PDE4D: variants seen among roughly 807,000 people sequenced by gnomAD.
PDE4D encodes 3',5'-cyclic-AMP phosphodiesterase 4D.
Under a neutral mutation model 87.4 loss-of-function variants are expected in PDE4D, and 24 were observed. The ratio of observed to expected loss-of-function variants is 0.27; its 90% CI spans 0.20 to 0.39. The LOEUF is 0.39. Ranked by LOEUF, PDE4D falls within the 10% of genes least tolerant of loss-of-function variation. PDE4D has a pLI of 1.00. For synonymous variants in PDE4D, 384 were observed against 383.2 expected, an observed-to-expected ratio of 1.00 and a Z score of -0.02; for missense variants, 714 against 1,041.0, an observed-to-expected ratio of 0.69 and a Z score of 4.32.
chr5:60,264,988 T>C (rs575748661), intron 1 of PDE4D, among the ~76,000 whole-genome samples: 3 of 152,328 alleles, frequency 2.0e-5, no homozygotes, highest in Non-Finnish European at 2.9e-5. Context: ...CATGTTTCCT[T>C]CTCTTTGTAG....
chr5:59,382,682 T>C (rs1054835404), intron 1 of PDE4D, among the ~76,000 whole-genome samples: 12 of 152,094 alleles, frequency 7.9e-5, no homozygotes, highest in Non-Finnish European at 1.5e-4. Flanking sequence ...AACAATTCCC[T>C]GGACCCAGGA....
At chr5:59,893,102 T>A (rs956055718) in intron 1 of PDE4D, 66 bp downstream of exon 1, 85 of 1,445,888 alleles carry the variant, frequency 5.9e-5, no homozygotes, top group Non-Finnish European at 7.8e-5. Flanking sequence ...CCGACTTAGA[T>A]GGAGTATTTG....
At chr5:60,390,840 G>T (rs1720190563) in intron 1 of PDE4D, among the ~76,000 whole-genome samples, 1 of 152,036 alleles carries the variant, frequency 6.6e-6, no homozygotes, top group South Asian at 2.1e-4. Context: ...CATTTCCTTT[G>T]CTTGGGATAG....
chr5:58,999,529 T>C, intron 6 of PDE4D: 1 of 1,534,878 alleles, frequency 6.5e-7, no homozygotes. Flanking sequence ...ATAGTTTGCT[T>C]CAGGCATTTT....
intron 1 of PDE4D, among the ~76,000 whole-genome samples, chr5:59,291,696 T>G (rs1442853909): frequency 6.6e-6 from 1 of 151,526 alleles, no homozygotes; most frequent in Non-Finnish European, 1.5e-5. Flanking sequence ...ATACACCTAC[T>G]ATGTATGCAC....
At chr5:59,330,820 A>C (rs549269003) in intron 1 of PDE4D, among the ~76,000 whole-genome samples, 1 of 152,190 alleles carries the variant, frequency 6.6e-6, no homozygotes, top group South Asian at 2.1e-4. Flanking sequence ...TCGCTGTGGC[A>C]CTTCTCTGTT....
intron 1 of PDE4D, among the ~76,000 whole-genome samples, chr5:59,654,690 A>T (rs1305600681): frequency 6.6e-6 from 1 of 152,056 alleles, no homozygotes; most frequent in Non-Finnish European, 1.5e-5. Flanking sequence ...AATTTAGAAT[A>T]TTTTCAGTAC....
rs1554191108 is a variant in PDE4D, at chr5:60,241,253, G to GCC, written c.-89-55567_-89-55566insGG. On this transcript the variant is annotated intron_variant, in intron 1 of 16. Transcript: ENST00000502484. ...TTGATATACTGAAGAATACATCAGAGTCTCTCTCTCTCTCTCTCTTTTTTT... is the reference window on the plus strand; with the variant it reads ...TTGATATACTGAAGAATACATCAGAGCCTCTCTCTCTCTCTCTCTCTTTTTTT... Among the ~76,000 whole-genome samples, 8 of 145,504 alleles carry GCC rather than the reference G, an allele frequency of 5.5e-5. No individual in the cohort carries two copies. In the East Asian group the frequency reaches 6.4e-4, roughly 12 times the overall value.
Position 58,974,117 on chromosome 5 carries a change from G to A in PDE4D, c.*547C>T, listed in dbSNP as rs1743149712. ...TTTTACATATCATACAAAATGTAGA[G>A]GTCAGTGCAGCTCACTGAACCACAC... On this transcript the variant is annotated 3_prime_UTR_variant, in exon 15 of 15. Coordinates refer to ENST00000340635, the MANE Select transcript of PDE4D (RefSeq NM_001104631.2). 1 of 152,528 alleles carries A rather than the reference G, an allele frequency of 6.6e-6. No individual in the cohort carries two copies. Among genetic ancestry groups the A allele is most frequent in the South Asian group, 2.1e-4 (1 of 4,820 alleles). The allele number at this position is 152,528 out of a possible 1,614,324, so 9.4% of individuals were successfully genotyped here. A position where few individuals can be genotyped will look rare whatever the true frequency, so the allele number is the denominator to read the frequency against.
intron 1 of PDE4D, 24 bp downstream of exon 1, chr5:59,893,144 G>A (rs1405128112): frequency 1.3e-6 from 2 of 1,543,958 alleles, no homozygotes; most frequent in South Asian, 2.4e-5. Context: ...TGCCTGAATG[G>A]GGGAGGGGGC....
intron 1 of PDE4D, among the ~76,000 whole-genome samples, chr5:59,415,307 G>C (rs897495586): frequency 6.6e-6 from 1 of 152,188 alleles, no homozygotes; most frequent in Non-Finnish European, 1.5e-5. Context: ...AAGGAAAAAG[G>C]TGTGCTCAGG....
intron 2 of PDE4D, among the ~76,000 whole-genome samples, chr5:60,063,145 A>G (rs5014449): frequency 0.045 from 4,252 of 95,384 alleles, 79 homozygotes; most frequent in East Asian, 0.26. Flanking sequence ...AAAGAAAGAA[A>G]GAAAGAAAGA....
At chr5:59,408,171 AG>A (rs1386318222) in intron 1 of PDE4D, among the ~76,000 whole-genome samples, 2 of 152,316 alleles carry the variant, frequency 1.3e-5, no homozygotes, top group Non-Finnish European at 2.9e-5. Context: ...TAAATGGTTT[AG>A]GGGATAAGCA....
intron 3 of PDE4D, among the ~76,000 whole-genome samples, chr5:59,919,211 T>C (rs896267046): frequency 2.6e-5 from 4 of 152,190 alleles, no homozygotes; most frequent in African/African-American, 9.7e-5. Context: ...CAAGTCTCCT[T>C]AGTTTATATC....
chr5:59,259,468 G>T (rs1041206798), intron 1 of PDE4D, among the ~76,000 whole-genome samples: 2 of 151,872 alleles, frequency 1.3e-5, no homozygotes, highest in Admixed American at 1.3e-4. Context: ...AAGCACATAA[G>T]GTCTGACTTC....
At chr5:59,086,683 T>G (rs1294433878) in intron 5 of PDE4D, among the ~76,000 whole-genome samples, 1 of 152,166 alleles carries the variant, frequency 6.6e-6, no homozygotes, top group Non-Finnish European at 1.5e-5. Flanking sequence ...GCATTTACCC[T>G]ATCTGCAGTT....
In PDE4D at chr5:59,893,595, C is replaced by T; in HGVS notation, c.28G>A (p.Ala10Thr). The part of the protein sequence containing the change: MEAEGSSAP[A>T]RAGSGEGSDS... ...CTGCCCTCTCCGCTGCCCGCCCGGG[C>T]CGGCGCGCTGCTGCCCTCTGCCTCC... Residue 10 changes from alanine to threonine, a missense_variant, in exon 1 of 15, where the codon GCC (alanine) becomes ACC (threonine). By Grantham distance (58) the Ala-to-Thr change is moderately conservative (BLOSUM62 0). Around this residue, in one of 7 missense-constraint regions of PDE4D, gnomAD observed 268 missense variants for 272.9 expected, o/e 0.98. Transcript: ENST00000340635. 2 of 1,520,282 alleles carry T rather than the reference C, an allele frequency of 1.3e-6. No homozygotes were observed. The highest frequency in any genetic ancestry group is 8.8e-7 in the Non-Finnish European group (1 of 1,135,188). The allele number at this position is 1,520,282 out of a possible 1,614,324, so 94.2% of individuals were successfully genotyped here. A position where few individuals can be genotyped will look rare whatever the true frequency, so the allele number is the denominator to read the frequency against.
intron 1 of PDE4D, among the ~76,000 whole-genome samples, chr5:59,442,567 T>C (rs1413414521): frequency 6.6e-6 from 1 of 152,190 alleles, no homozygotes; most frequent in Non-Finnish European, 1.5e-5. Flanking sequence ...CCTTTTTGCC[T>C]GGAGGTAAGA....
At chr5:59,583,152 T>C (rs73758816) in intron 1 of PDE4D, among the ~76,000 whole-genome samples, 2,757 of 152,304 alleles carry the variant, frequency 0.018, 83 homozygotes, top group African/African-American at 0.061. Context: ...CATGAAATTA[T>C]AGTATTTTTA....
Sources: gnomAD v4.1 joint callset for allele counts (sites outside exome capture counted in the v4.1 genomes callset) on GRCh38, gnomAD v4.1.1 for gene constraint, gnomAD v4.1.1 regional missense constraint, MANE v1.5 for transcripts, NCBI Gene and HGNC (gene_info 2026-07-23, HGNC 2026-07-21) for gene names.